UST: variants seen among roughly 807,000 people sequenced by gnomAD.
UST encodes uronyl 2-sulfotransferase.
In UST, 21 loss-of-function variants were observed where a neutral mutation model predicts 45.6. The ratio of observed to expected loss-of-function variants is 0.46; its 90% CI spans 0.33 to 0.66. The LOEUF is 0.66. UST is among the 30% of genes least tolerant of loss of function. UST has a pLI of 0.02. For missense variants in UST, 463 were observed against 512.4 expected, an observed-to-expected ratio of 0.90 and a Z score of 0.93; for synonymous variants, 215 against 200.6, an observed-to-expected ratio of 1.07 and a Z score of -0.61.
At chr6:148,901,545 A>G (rs1196860408) in intron 2 of UST, among the ~76,000 whole-genome samples, 2 of 143,104 alleles carry the variant, frequency 1.4e-5, no homozygotes, top group African/African-American at 5.3e-5. Flanking sequence ...CCCAGAAGTG[A>G]CCCGTGTCAC....
intron 1 of UST, among the ~76,000 whole-genome samples, chr6:148,839,771 G>A (rs1311774405): frequency 6.6e-6 from 1 of 152,152 alleles, no homozygotes; most frequent in East Asian, 1.9e-4. Context: ...TGATGCTATG[G>A]TACAGTTAAG....
intron 1 of UST, among the ~76,000 whole-genome samples, chr6:148,750,141 G>A (rs149733388): frequency 6.6e-6 from 1 of 152,230 alleles, no homozygotes; most frequent in East Asian, 1.9e-4. Flanking sequence ...GTAAATGTAA[G>A]TTCATGTAAA....
intron 5 of UST, among the ~76,000 whole-genome samples, chr6:149,006,974 G>A (rs1775720404): frequency 6.6e-6 from 1 of 152,104 alleles, no homozygotes; most frequent in Admixed American, 6.6e-5. Context: ...ATGATTTTAG[G>A]AACTTCAAGT....
chr6:148,957,558 C>T (rs1260036635), intron 4 of UST, among the ~76,000 whole-genome samples: 2 of 152,124 alleles, frequency 1.3e-5, no homozygotes, highest in African/African-American at 4.8e-5. Flanking sequence ...CTCAGCCTCC[C>T]GAGTAGCTGG....
intron 1 of UST, among the ~76,000 whole-genome samples, chr6:148,813,458 C>T (rs975185043): frequency 2.0e-5 from 3 of 151,828 alleles, no homozygotes; most frequent in South Asian, 2.1e-4. Context: ...CTCAGCTCAC[C>T]GCAACCTCCA....
chr6:149,021,539 ACCTTGAAAAGG>A, intron 7 of UST, 58 bp downstream of exon 7: 1 of 1,582,106 alleles, frequency 6.3e-7, no homozygotes, highest in South Asian at 1.1e-5. Flanking sequence ...AGGGCTACTC[ACCTTGAAAAGG>A]CCTCAGGAAA....
At chr6:149,013,919 G>A (rs559812667) in intron 5 of UST, among the ~76,000 whole-genome samples, 26 of 152,268 alleles carry the variant, frequency 1.7e-4, no homozygotes, top group African/African-American at 5.3e-4. Flanking sequence ...AATATGAATC[G>A]TCTCTAAATT....
At chr6:148,890,105 A>G (rs149263244) in intron 2 of UST, among the ~76,000 whole-genome samples, 6 of 152,334 alleles carry the variant, frequency 3.9e-5, no homozygotes, top group South Asian at 2.1e-4. Flanking sequence ...TATTTTCATT[A>G]TCTGGGATTG....
chr6:149,005,188 G>A, intron 5 of UST: 1 of 531,176 alleles, frequency 1.9e-6, no homozygotes, highest in Non-Finnish European at 2.4e-6. Context: ...TCTGGCTTGG[G>A]TAGGGCAGGA....
At chr6:148,878,177 C>T (rs867758930) in intron 1 of UST, among the ~76,000 whole-genome samples, 6 of 73,534 alleles carry the variant, frequency 8.2e-5, no homozygotes, top group African/African-American at 1.2e-4. Flanking sequence ...GGATTGTGTA[C>T]GAGTGAGGAG....
At chr6:148,871,828 G>A (rs1479180566) in intron 1 of UST, among the ~76,000 whole-genome samples, 1 of 152,208 alleles carries the variant, frequency 6.6e-6, no homozygotes, top group Non-Finnish European at 1.5e-5. Context: ...AAGCAAGCTT[G>A]AAAATTGTGA....
At chr6:148,769,871 CT>C (rs113847573) in intron 1 of UST, among the ~76,000 whole-genome samples, 55,375 of 146,320 alleles carry the variant, frequency 0.38, 10,304 homozygotes, top group African/African-American at 0.42. Context: ...CTTTCTGTCA[CT>C]TTTTTTTTTT....
chr6:149,014,583 C>T (rs184526541), intron 5 of UST, among the ~76,000 whole-genome samples: 1 of 152,294 alleles, frequency 6.6e-6, no homozygotes, highest in African/African-American at 2.4e-5. Context: ...AGCCCATGGT[C>T]CTATCTGTCT....
At chr6:148,867,210 GA>G (rs1778454091) in intron 1 of UST, among the ~76,000 whole-genome samples, 1 of 151,556 alleles carries the variant, frequency 6.6e-6, no homozygotes, top group Admixed American at 6.6e-5. Flanking sequence ...AGTCATTCTT[GA>G]GAGAAAAACC....
chr6:148,884,522 GC>G (rs1778878334), intron 1 of UST, among the ~76,000 whole-genome samples: 1 of 152,162 alleles, frequency 6.6e-6, no homozygotes, highest in Admixed American at 6.5e-5. Context: ...AGTTCAAAAG[GC>G]CCCTCATTGA....
intron 5 of UST, among the ~76,000 whole-genome samples, chr6:149,002,346 T>G (rs1215890010): frequency 6.6e-6 from 1 of 152,096 alleles, no homozygotes; most frequent in East Asian, 1.9e-4. Flanking sequence ...TTAATCTCAC[T>G]AAAAGTAAAT....
At position 148,747,799 on chromosome 6, in the gene UST, A is replaced by G. The variant is rs1194753139; in HGVS notation, c.247+122A>G. ...CGCCGCCGCCGCCCCGGGTCTCTCC[A>G]GGTGCTAAGCCCGTGAGCATCTGTG... On this transcript the variant is annotated intron_variant, in intron 1 of 7. Transcript: ENST00000367463. 1.8e-5 allele frequency: 23 copies of G among 1,299,834 alleles called. No homozygotes were observed. The Middle Eastern group carries it at 1.1e-3, about 62-fold the overall frequency. 80.5% of individuals were successfully genotyped at this position (1,299,834 alleles called of 1,614,324 possible).
intron 1 of UST, among the ~76,000 whole-genome samples, chr6:148,878,799 G>C (rs964603141): frequency 1.4e-4 from 21 of 151,720 alleles, no homozygotes; most frequent in Admixed American, 3.9e-4. Flanking sequence ...AGGTATGAGT[G>C]TGGAGATTGT....
chr6:148,992,992 G>T, intron 5 of UST: 1 of 985,376 alleles, frequency 1.0e-6, no homozygotes, highest in Non-Finnish European at 1.2e-6. Flanking sequence ...AGACCCCTTT[G>T]GGCGGCTCAG....
Sources: gnomAD v4.1 joint callset for allele counts (sites outside exome capture counted in the v4.1 genomes callset) on GRCh38, gnomAD v4.1.1 for gene constraint, MANE v1.5 for transcripts, NCBI Gene and HGNC (gene_info 2026-07-23, HGNC 2026-07-21) for gene names.